Variants in CEBPG observed in about 807,000 individuals in gnomAD.
CEBPG encodes CCAAT enhancer binding protein gamma.
In CEBPG, 6 loss-of-function variants were observed where a neutral mutation model predicts 11.1. That is an observed-to-expected ratio of 0.54 (90% CI 0.30 to 1.07). The LOEUF is 1.07. Ranked by LOEUF, CEBPG falls within the 50% of genes least tolerant of loss-of-function variation. The pLI is 0.07. For missense variants in CEBPG, 161 were observed against 187.4 expected (o/e 0.86, Z 0.82); for synonymous variants, 66 against 71.0 (o/e 0.93, Z 0.36).
Position 33,379,877 on chromosome 19 carries a change from C to T in CEBPG, c.*185C>T. ...AATGTTAGCCTTGTAATTCGAATAT[C>T]TGGTTTTAAATGATAGAGGTTTTTG... On this transcript the variant is annotated 3_prime_UTR_variant, in exon 2 of 2. Transcript: ENST00000284000. 1.9e-6 allele frequency: 1 copy of T among 539,308 alleles called. No homozygotes were observed. Among genetic ancestry groups the T allele is most frequent in the Admixed American group, 3.7e-5 (1 of 27,204 alleles). The allele number at this position is 539,308 out of a possible 1,614,324, so 33.4% of individuals were successfully genotyped here.
At chr19:33,376,707 T>G (rs1967916310) in intron 1 of CEBPG, among the ~76,000 whole-genome samples, 1 of 152,234 alleles carries the variant, frequency 6.6e-6, no homozygotes, top group South Asian at 2.1e-4. Flanking sequence ...GCCTGAACTT[T>G]GGAATAGTGT....
At chr19:33,374,221 G>A (rs978008343) in intron 1 of CEBPG, 2 of 151,420 alleles carry the variant, frequency 1.3e-5, no homozygotes, top group African/African-American at 4.8e-5. Context: ...AATGCCCCCT[G>A]CGGAGCCCGG....
In CEBPG at chr19:33,373,737, C is replaced by A. The variant is rs1270079144; in HGVS notation, c.-255C>A. On this transcript the variant is annotated 5_prime_UTR_variant, in exon 1 of 2. Coordinates refer to ENST00000284000, the MANE Select transcript of CEBPG (RefSeq NM_001806.4). The stretch of plus-strand genomic sequence containing the variant: ...CGCGGCCCCGGCGAGCAGGGGAAGC[C>A]GGTGGCCGCGGCTGCGGAACGGGCG... 6.6e-6 allele frequency: 1 copy of A among 151,270 alleles called. No homozygotes were observed. Among genetic ancestry groups the A allele is most frequent in the African/African-American group, 2.4e-5 (1 of 41,226 alleles). 9.4% of individuals were successfully genotyped at this position (151,270 alleles called of 1,614,324 possible). A position where few individuals can be genotyped will look rare whatever the true frequency, so the allele number is the denominator to read the frequency against.
In CEBPG at chr19:33,382,470, A is replaced by G. The variant is rs926560863; in HGVS notation, c.*2778A>G. ...TACCTGAACAACCCATTTTGCACTCAGTGCTTTCTGATGCCTTAGGAGAAT... is the reference window on the plus strand; with the variant it reads ...TACCTGAACAACCCATTTTGCACTCGGTGCTTTCTGATGCCTTAGGAGAAT... On this transcript the variant is annotated 3_prime_UTR_variant, in exon 2 of 2. Transcript: ENST00000284000. 6.0e-6 allele frequency: 1 copy of G among 167,136 alleles called. No homozygotes were observed. The highest frequency in any genetic ancestry group is 1.5e-5 in the Non-Finnish European group (1 of 68,130). The allele number at this position is 167,136 out of a possible 1,614,324, so 10.4% of individuals were successfully genotyped here.
intron 1 of CEBPG, among the ~76,000 whole-genome samples, chr19:33,377,736 C>T (rs1692390793): frequency 6.6e-6 from 1 of 152,184 alleles, no homozygotes. Flanking sequence ...TGCTTTTTGT[C>T]TTGCCTTAGT....
In CEBPG at chr19:33,382,620, A is replaced by C. The variant is rs1405410027; in HGVS notation, c.*2928A>C. 1 of 166,836 alleles carries C rather than the reference A, an allele frequency of 6.0e-6. No homozygotes were observed. The highest frequency in any genetic ancestry group is 1.5e-5 in the Non-Finnish European group (1 of 68,076). 10.3% of individuals were successfully genotyped at this position (166,836 alleles called of 1,614,324 possible). ...TTTCATCAGTTTGTGAGATTTCTCT[A>C]TTTTTTTTAAATATAATTTTATTTC... On this transcript the variant is annotated 3_prime_UTR_variant, in exon 2 of 2. Transcript: ENST00000284000.
intron 1 of CEBPG, among the ~76,000 whole-genome samples, chr19:33,376,587 A>T (rs79349947): frequency 6.6e-6 from 1 of 152,164 alleles, no homozygotes; most frequent in African/African-American, 2.4e-5. Flanking sequence ...GATGATGATG[A>T]TGCTGGTCCA....
At chr19:33,375,673 T>C (rs1317810145) in intron 1 of CEBPG, among the ~76,000 whole-genome samples, 2 of 152,116 alleles carry the variant, frequency 1.3e-5, no homozygotes, top group African/African-American at 4.8e-5. Flanking sequence ...GACGTCCCCT[T>C]CCTCATGGAC....
At position 33,381,727 on chromosome 19, in the gene CEBPG, ATTGAC is replaced by A. The variant is rs753520770; in HGVS notation, c.*2038_*2042del. ...CATGGAATTTATACCAGTTATATGAATTGACTTAAGTATCTTGAAAAAGAAACTTT... is the reference window on the plus strand; with the variant it reads ...CATGGAATTTATACCAGTTATATGAATTAAGTATCTTGAAAAAGAAACTTT... On this transcript the variant is annotated 3_prime_UTR_variant, in exon 2 of 2. Transcript: ENST00000284000. 17 of 167,102 alleles carry A rather than the reference ATTGAC, an allele frequency of 1.0e-4. No homozygotes were observed. The highest frequency in any genetic ancestry group is 2.1e-4 in the South Asian group (1 of 4,838). The allele number at this position is 167,102 out of a possible 1,614,324, so 10.4% of individuals were successfully genotyped here.
intron 1 of CEBPG, among the ~76,000 whole-genome samples, chr19:33,377,452 A>G (rs1419910179): frequency 2.6e-5 from 4 of 152,182 alleles, no homozygotes; most frequent in Non-Finnish European, 5.9e-5. Flanking sequence ...TTAAAAAAAA[A>G]GTAGAGAAAT....
At position 33,379,330 on chromosome 19, in the gene CEBPG, G is replaced by C. The variant is rs749953849; in HGVS notation, c.91G>C (p.Val31Leu). ...TQAHASGLQQVPQLVPAGPGG... is the reference protein window; with the variant it reads ...TQAHASGLQQLPQLVPAGPGG... The stretch of plus-strand genomic sequence containing the variant: ...GGCACATGCCAGCGGCTTACAGCAG[G>C]TTCCTCAGCTGGTGCCTGCTGGCCC... The change falls in exon 2 of 2, where the codon GTT becomes CTT. Residue 31 changes from valine to leucine, a missense_variant. By Grantham distance (32) the Val-to-Leu change is conservative. Transcript: ENST00000284000. 4 of 1,613,622 alleles carry C rather than the reference G, an allele frequency of 2.5e-6. No homozygotes were observed. The highest frequency in any genetic ancestry group is 3.4e-6 in the Non-Finnish European group (4 of 1,179,856).
At chr19:33,378,308 C>T (rs1325349526) in intron 1 of CEBPG, among the ~76,000 whole-genome samples, 1 of 152,222 alleles carries the variant, frequency 6.6e-6, no homozygotes, top group Non-Finnish European at 1.5e-5. Context: ...GAAGTGGCCA[C>T]AGGCACGGCA....
chr19:33,373,723 C>T lies in CEBPG; in HGVS notation c.-269C>T, dbSNP rs1471396699. 6.6e-6 allele frequency: 1 copy of T among 150,496 alleles called. No homozygotes were observed. The highest frequency in any genetic ancestry group is 2.4e-5 in the African/African-American group (1 of 40,948). 9.3% of individuals were successfully genotyped at this position (150,496 alleles called of 1,614,324 possible). A position where few individuals can be genotyped will look rare whatever the true frequency, so the allele number is the denominator to read the frequency against. On this transcript the variant is annotated 5_prime_UTR_variant, in exon 1 of 2. Coordinates refer to ENST00000284000, the MANE Select transcript of CEBPG (RefSeq NM_001806.4). ...GCGGCGGCGGCGCGCGCGGCCCCGG[C>T]GAGCAGGGGAAGCCGGTGGCCGCGG...
chr19:33,379,068 T>G, intron 1 of CEBPG, 76 bp from the exon 2 acceptor site: 1 of 537,586 alleles, frequency 1.9e-6, no homozygotes, highest in Non-Finnish European at 3.2e-6. Flanking sequence ...GTTGGCCTGA[T>G]GTTAGGTACG....
Position 33,377,146 on chromosome 19 carries a change from G to A in CEBPG, c.-96-1998G>A, listed in dbSNP as rs953952344. ...TCCTGTATCTTTGGATACGGAAACAGGCGTGAACGTTGCTGAACGTGGACC... is the reference window on the plus strand; with the variant it reads ...TCCTGTATCTTTGGATACGGAAACAAGCGTGAACGTTGCTGAACGTGGACC... On this transcript the variant is annotated intron_variant, in intron 1 of 1. Transcript: ENST00000284000. 2.0e-5 allele frequency among the ~76,000 whole-genome samples: 3 copies of A among 151,956 alleles called. 1 individual carries two copies. Among genetic ancestry groups the A allele is most frequent in the South Asian group, 4.1e-4 (2 of 4,828 alleles).
At chr19:33,374,344 ATCT>A (rs1963684075) in intron 1 of CEBPG, 1 of 152,122 alleles carries the variant, frequency 6.6e-6, no homozygotes, top group Non-Finnish European at 1.5e-5. Flanking sequence ...TAGAATCCTG[ATCT>A]TCTAGAAGGG....
rs1600065061 is a variant in CEBPG at position 33,380,618 on chromosome 19, CT to C, written c.*927del. The C allele has an allele frequency of 1.2e-5, 2 of 167,100 alleles. No homozygotes were observed. Among genetic ancestry groups the C allele is most frequent in the East Asian group, 1.9e-4 (1 of 5,190 alleles). 10.4% of individuals were successfully genotyped at this position (167,100 alleles called of 1,614,324 possible). ...GGAATATTAATTCAGAAGGTAGTTT[CT>C]CTTGTGTTCAAAATAGCTGCCATGG... On this transcript the variant is annotated 3_prime_UTR_variant, in exon 2 of 2. Transcript: ENST00000284000.
In CEBPG at chr19:33,379,669, G is replaced by C. The variant is rs764937623; in HGVS notation, c.430G>C (p.Asp144His). The C allele has an allele frequency of 1.2e-5, 19 of 1,612,536 alleles. No homozygotes were observed. Among genetic ancestry groups the C allele is most frequent in the East Asian group, 2.2e-5 (1 of 44,814 alleles). The change falls in exon 2 of 2, where the codon GAT (aspartate) becomes CAT (histidine). Residue 144 changes from aspartate to histidine, a missense_variant. Coordinates refer to ENST00000284000, the MANE Select transcript of CEBPG (RefSeq NM_001806.4). ...CATTAGCACTGAAAATACGACAGCA[G>C]ATGGCGACAATGCAGGACAGTAGAC... Reference protein sequence around the residue: ...QSISTENTTADGDNAGQ With the variant: ...QSISTENTTAHGDNAGQ
chr19:33,376,659 C>A (rs1044334394), intron 1 of CEBPG, among the ~76,000 whole-genome samples: 3 of 152,196 alleles, frequency 2.0e-5, no homozygotes, highest in Admixed American at 2.0e-4. Context: ...TTGAGTGATT[C>A]ACATGGAAGG....
Sources: allele counts gnomAD v4.1 joint callset (sites outside exome capture counted in the v4.1 genomes callset), GRCh38; gene constraint gnomAD v4.1.1; transcripts MANE v1.5; gene names NCBI Gene and HGNC (gene_info 2026-07-23, HGNC 2026-07-21).